MYO16: variants seen among roughly 807,000 people sequenced by gnomAD.
MYO16 encodes unconventional myosin-XVI.
A neutral mutation model predicts 205.3 loss-of-function variants in MYO16; 94 were observed. The observed-to-expected ratio is 0.46, with a 90% CI of 0.39 to 0.54. The LOEUF (loss-of-function observed/expected upper bound fraction) is 0.54. Among genes scored for constraint, MYO16 ranks in the 20% least tolerant of loss-of-function variants. The probability of loss-of-function intolerance (pLI) is 0.00; values close to 1 mark genes in which losing one functional copy is unlikely to be tolerated. For synonymous variants in MYO16, 988 were observed against 954.0 expected (o/e 1.04, Z -0.66); for missense variants, 2,315 against 2,387.5 (o/e 0.97, Z 0.63).
At chr13:108,837,982 T>C (rs1566360792) in intron 9 of MYO16, among the ~76,000 whole-genome samples, 1 of 152,124 alleles carries the variant, frequency 6.6e-6, no homozygotes, top group Non-Finnish European at 1.5e-5. Context: ...CTTTAGTTTA[T>C]AAAACTCTCT....
At chr13:108,690,210 G>A (rs1433487463) in intron 2 of MYO16, among the ~76,000 whole-genome samples, 1 of 151,932 alleles carries the variant, frequency 6.6e-6, no homozygotes, top group African/African-American at 2.4e-5. Context: ...GGGTTTGGGA[G>A]CTGCAACCAT....
chr13:109,176,723 C>T (rs1449961016), intron 33 of MYO16, among the ~76,000 whole-genome samples: 1 of 151,774 alleles, frequency 6.6e-6, no homozygotes, highest in Non-Finnish European at 1.5e-5. Flanking sequence ...CAAAAAATCC[C>T]CTTCCCTCTG....
intron 9 of MYO16, among the ~76,000 whole-genome samples, chr13:108,833,790 G>T (rs979621318): frequency 6.6e-6 from 1 of 152,096 alleles, no homozygotes; most frequent in African/African-American, 2.4e-5. Flanking sequence ...GAAATTGGTT[G>T]TCTGCTGGTA....
Position 108,775,068 on chromosome 13 carries a change from T to A in MYO16, c.508-10567T>A, listed in dbSNP as rs138019930. 4.3e-3 allele frequency among the ~76,000 whole-genome samples: 655 copies of A among 152,188 alleles called. 3 individuals carry two copies. The highest frequency in any genetic ancestry group is 0.015 in the African/African-American group (617 of 41,516). ...GAAAATCTTCTCTGAAACCCTCAAC[T>A]CCCCCTGCTTCTCATCCTCTGAAAT... On this transcript the variant is annotated intron_variant, in intron 4 of 34. Coordinates refer to ENST00000457511, the MANE Select transcript of MYO16 (RefSeq NM_001198950.3).
chr13:108,998,610 C>G (rs1379510060), intron 21 of MYO16, among the ~76,000 whole-genome samples: 1 of 152,092 alleles, frequency 6.6e-6, no homozygotes, highest in African/African-American at 2.4e-5. Context: ...TTATGCTCAC[C>G]AATTCTTTGG....
the MYO16 span, among the ~76,000 whole-genome samples, chr13:108,523,191 A>G: frequency 2.4e-4 from 37 of 152,210 alleles, 1 homozygote; most frequent in African/African-American, 8.7e-4. Flanking sequence ...ACCAGGGAGG[A>G]GACATCTTGA....
Position 108,711,101 on chromosome 13 carries a change from GT to G in MYO16, c.293-1559del, listed in dbSNP as rs1174496859. On this transcript the variant is annotated intron_variant, in intron 2 of 34. Coordinates refer to ENST00000457511, the MANE Select transcript of MYO16 (RefSeq NM_001198950.3). Reference sequence around the variant, plus strand: ...AGAGAGAAAGGGAGGCAGAGAAAGGGTGGGGGGAAGAGCATCTCCATACCAC... The same window carrying G: ...AGAGAGAAAGGGAGGCAGAGAAAGGGGGGGGGAAGAGCATCTCCATACCAC... 5.9e-5 allele frequency among the ~76,000 whole-genome samples: 9 copies of G among 152,254 alleles called. No individual in the cohort carries two copies. In the East Asian group the frequency reaches 9.7e-4, roughly 16 times the overall value.
intron 4 of MYO16, among the ~76,000 whole-genome samples, chr13:108,737,864 G>A (rs866083874): frequency 1.2e-4 from 19 of 152,192 alleles, no homozygotes; most frequent in Middle Eastern, 3.4e-3. Flanking sequence ...TTTAGTTTTG[G>A]GAGAGTGTAT....
the MYO16 span, among the ~76,000 whole-genome samples, chr13:108,541,908 C>T: frequency 6.6e-6 from 1 of 152,096 alleles, no homozygotes; most frequent in Non-Finnish European, 1.5e-5. Context: ...TTTGGTGATT[C>T]CTCAAAGGAC....
At chr13:108,918,253 A>C (rs6492155) in intron 16 of MYO16, among the ~76,000 whole-genome samples, 129,830 of 152,252 alleles carry the variant, frequency 0.85, 56,828 homozygotes, top group Non-Finnish European at 0.96. Context: ...AGCCAAATAT[A>C]AATATACCAA....
chr13:108,758,836 C>T (rs189565322), intron 4 of MYO16, among the ~76,000 whole-genome samples: 5 of 152,190 alleles, frequency 3.3e-5, no homozygotes, highest in Admixed American at 1.3e-4. Flanking sequence ...TTTGAGGACT[C>T]GGAAAAATAC....
intron 16 of MYO16, among the ~76,000 whole-genome samples, chr13:108,927,689 C>T (rs924394878): frequency 6.6e-6 from 1 of 152,232 alleles, no homozygotes; most frequent in East Asian, 1.9e-4. Context: ...GCCAAGCGGA[C>T]GGACAGACAT....
intron 7 of MYO16, among the ~76,000 whole-genome samples, chr13:108,814,139 A>AC (rs886330276): frequency 2.0e-5 from 3 of 152,174 alleles, no homozygotes; most frequent in African/African-American, 7.2e-5. Context: ...GCTGTAGAGA[A>AC]CAGTAGTTTG....
intron 31 of MYO16, among the ~76,000 whole-genome samples, chr13:109,137,939 A>T (rs990984774): frequency 6.6e-6 from 1 of 152,134 alleles, no homozygotes; most frequent in African/African-American, 2.4e-5. Context: ...CCTGCATCAC[A>T]TTCTAACATA....
intron 1 of MYO16, 47 bp from the exon 2 acceptor site, chr13:108,665,839 T>A: frequency 6.4e-7 from 1 of 1,574,596 alleles, no homozygotes; most frequent in South Asian, 1.2e-5. Context: ...ACACTTATAG[T>A]GGTTATAATA....
At chr13:108,972,237 C>CTG (rs1263150322) in intron 20 of MYO16, among the ~76,000 whole-genome samples, 1 of 16,302 alleles carries the variant, frequency 6.1e-5, no homozygotes, top group African/African-American at 2.1e-4. Context: ...CTCTCTCTCT[C>CTG]TCTCTCTCTC....
chr13:108,518,281 G>T, the MYO16 span, among the ~76,000 whole-genome samples: 1 of 152,098 alleles, frequency 6.6e-6, no homozygotes, highest in Non-Finnish European at 1.5e-5. Flanking sequence ...TTGCATTAAG[G>T]CATCCTTAAT....
chr13:108,723,560 T>C (rs2139575800), intron 3 of MYO16, among the ~76,000 whole-genome samples: 1 of 152,304 alleles, frequency 6.6e-6, no homozygotes, highest in South Asian at 2.1e-4. Context: ...ATTGTTTCAG[T>C]ATAATTGACT....
intron 3 of MYO16, among the ~76,000 whole-genome samples, chr13:108,725,042 C>T (rs991816985): frequency 3.3e-5 from 5 of 151,954 alleles, no homozygotes; most frequent in Non-Finnish European, 7.4e-5. Context: ...TATGTTGCTG[C>T]TTTGGATTTC....
Sources: allele counts gnomAD v4.1 joint callset (sites outside exome capture counted in the v4.1 genomes callset), GRCh38; gene constraint gnomAD v4.1.1; transcripts MANE v1.5; gene names NCBI Gene and HGNC (gene_info 2026-07-23, HGNC 2026-07-21).